ZNF638: variants seen among roughly 807,000 people sequenced by gnomAD.
The protein encoded by ZNF638 is CTCL tumor antigen se33-1.
A neutral mutation model predicts 195.6 loss-of-function variants in ZNF638; 46 were observed. That is an observed-to-expected ratio of 0.24 (90% CI 0.19 to 0.30). The LOEUF (loss-of-function observed/expected upper bound fraction) is 0.30. ZNF638 is among the 10% of genes least tolerant of loss of function. The pLI, the probability that ZNF638 is intolerant of heterozygous loss-of-function variation, is 1.00. For synonymous variants in ZNF638, 845 were observed against 772.0 expected (o/e 1.09, Z -1.57); for missense variants, 2,440 against 2,325.3 (o/e 1.05, Z -1.01).
intron 2 of ZNF638, 114 bp downstream of exon 2, chr2:71,350,385 T>C (rs957557948): frequency 3.8e-5 from 41 of 1,066,800 alleles, no homozygotes; most frequent in Non-Finnish European, 5.0e-5. Context: ...CAGAAGGTAA[T>C]TTTAATTGCA....
intron 24 of ZNF638, among the ~76,000 whole-genome samples, chr2:71,427,913 C>CA (rs1474167539): frequency 7.9e-5 from 12 of 152,044 alleles, no homozygotes; most frequent in Non-Finnish European, 1.8e-4. Flanking sequence ...ATCTTGAGGC[C>CA]AAGTATTGTG....
At chr2:71,371,861 T>C (rs1270702370) in intron 8 of ZNF638, among the ~76,000 whole-genome samples, 1 of 152,142 alleles carries the variant, frequency 6.6e-6, no homozygotes, top group Non-Finnish European at 1.5e-5. Flanking sequence ...TCTCATTTTG[T>C]GGGTTGTCTG....
At position 71,372,333 on chromosome 2, in the gene ZNF638, A is replaced by G. The variant is rs376398804; in HGVS notation, c.2265+2328A>G. ...ATTCAGATTCTTATTGCCGGGATGG[A>G]TGAGTCCTCTTTGGCTAGGTCTGGT... On this transcript the variant is annotated intron_variant, in intron 8 of 27. Coordinates refer to ENST00000264447, the MANE Select transcript of ZNF638 (RefSeq NM_014497.5). Among the ~76,000 whole-genome samples the G allele has an allele frequency of 2.0e-4, 31 of 152,232 alleles. 1 individual carries two copies. The highest frequency in any genetic ancestry group is 7.5e-4 in the African/African-American group (31 of 41,550).
intron 1 of ZNF638, among the ~76,000 whole-genome samples, chr2:71,347,629 T>C (rs2078872320): frequency 1.3e-5 from 2 of 152,332 alleles, no homozygotes; most frequent in Non-Finnish European, 2.9e-5. Flanking sequence ...CAGCATAGTC[T>C]ATATGCTCAT....
At position 71,370,426 on chromosome 2, in the gene ZNF638, T is replaced by C. The variant is rs2079288885; in HGVS notation, c.2265+421T>C. Among the ~76,000 whole-genome samples the C allele has an allele frequency of 3.3e-5, 5 of 152,320 alleles. No individual in the cohort carries two copies. In the South Asian group the frequency reaches 1.0e-3, roughly 32 times the overall value. ...TCAACTTTACATAAACAAAATCGTA[T>C]AGTGTACATTCTTTGGGCCTTTACT... is the stretch of plus-strand genomic sequence containing the variant. On this transcript the variant is annotated intron_variant, in intron 8 of 27. Coordinates refer to ENST00000264447, the MANE Select transcript of ZNF638 (RefSeq NM_014497.5).
chr2:71,399,065 C>CT (rs1040165814), intron 12 of ZNF638, among the ~76,000 whole-genome samples: 2 of 152,006 alleles, frequency 1.3e-5, no homozygotes, highest in Non-Finnish European at 2.9e-5. Flanking sequence ...GTTTCCTTCG[C>CT]TTTTTTTAGA....
At chr2:71,389,733 A>G (rs2104390547) in intron 10 of ZNF638, among the ~76,000 whole-genome samples, 1 of 152,364 alleles carries the variant, frequency 6.6e-6, no homozygotes, top group African/African-American at 2.4e-5. Flanking sequence ...AATGTTCGAC[A>G]AGGGCCTCAG....
chr2:71,422,713 G>C, intron 21 of ZNF638, 101 bp from the exon 22 acceptor site: 1 of 1,225,812 alleles, frequency 8.2e-7, no homozygotes, highest in Non-Finnish European at 1.1e-6. Flanking sequence ...TTAACAATTG[G>C]CATCAGCAGG....
chr2:71,390,558 A>C lies in ZNF638; in HGVS notation c.2378-5583A>C, dbSNP rs539792129. Among the ~76,000 whole-genome samples the C allele has an allele frequency of 7.9e-5, 12 of 152,302 alleles. 1 individual carries two copies. The South Asian group carries it at 2.5e-3, about 32-fold the overall frequency. On this transcript the variant is annotated intron_variant, in intron 10 of 27. Transcript: ENST00000264447. ...CTTCCCCCTAAATCTAAAATAGCTC[A>C]GTTACTATTCTTACCGTACTGGGTC... is the stretch of plus-strand genomic sequence containing the variant.
intron 10 of ZNF638, chr2:71,393,429 T>A (rs1259024870): frequency 8.4e-6 from 6 of 718,466 alleles, no homozygotes; most frequent in Non-Finnish European, 1.3e-5. Context: ...CATCAGACCA[T>A]ACCATGGCGT....
intron 22 of ZNF638, 30 bp from the exon 23 acceptor site, chr2:71,424,620 T>A: frequency 3.2e-6 from 5 of 1,567,332 alleles, no homozygotes; most frequent in Non-Finnish European, 4.3e-6. Context: ...GTAAATTCCG[T>A]TTTTCTGTAT....
intron 1 of ZNF638, among the ~76,000 whole-genome samples, chr2:71,343,092 A>G (rs1004104982): frequency 5.9e-5 from 9 of 152,232 alleles, no homozygotes; most frequent in Non-Finnish European, 1.3e-4. Flanking sequence ...AGAAGATGCC[A>G]TCCTACAAAA....
rs1342462755 is a variant in ZNF638, at chr2:71,433,448, C to G, written c.5871+165C>G. On this transcript the variant is annotated intron_variant, in intron 27 of 27. Coordinates refer to ENST00000264447, the MANE Select transcript of ZNF638 (RefSeq NM_014497.5). ...CTTCAGTGTACCTTGCCTGTAATTT[C>G]TAGTCCTTATTCCTTTTCCTTGAAC... is the stretch of plus-strand genomic sequence containing the variant. 6 of 576,268 alleles carry G rather than the reference C, an allele frequency of 1.0e-5. No individual in the cohort carries two copies. The South Asian group carries it at 1.1e-4, about 10-fold the overall frequency. The allele number at this position is 576,268 out of a possible 1,614,324, so 35.7% of individuals were successfully genotyped here. A position where few individuals can be genotyped will look rare whatever the true frequency, so the allele number is the denominator to read the frequency against.
At chr2:71,428,424 C>G in intron 24 of ZNF638, 123 bp from the exon 25 acceptor site, 2 of 627,642 alleles carry the variant, frequency 3.2e-6, no homozygotes, top group Non-Finnish European at 5.5e-6. Flanking sequence ...AGTAGGCTTC[C>G]CTCCCAAATT....
chr2:71,433,385 G>A, intron 27 of ZNF638, 102 bp downstream of exon 27: 1 of 781,286 alleles, frequency 1.3e-6, no homozygotes, highest in South Asian at 1.7e-5. Context: ...TTAGGAGAAT[G>A]TTTATGCCAG....
chr2:71,335,648 G>A (rs2078653279), intron 1 of ZNF638, among the ~76,000 whole-genome samples: 1 of 152,144 alleles, frequency 6.6e-6, no homozygotes. Context: ...CAATTATCTA[G>A]CTAATGGTCA....
chr2:71,383,746 T>C (rs1372041083), intron 10 of ZNF638, among the ~76,000 whole-genome samples: 2 of 125,178 alleles, frequency 1.6e-5, no homozygotes, highest in Non-Finnish European at 3.2e-5. Flanking sequence ...TAATTTTTCT[T>C]TTTTTTTTTC....
intron 10 of ZNF638, 107 bp from the exon 11 acceptor site, chr2:71,396,034 C>G: frequency 2.1e-6 from 2 of 931,952 alleles, no homozygotes; most frequent in East Asian, 5.0e-5. Context: ...GAGTATAGGG[C>G]TGTTTCTTGC....
chr2:71,374,643 G>A (rs954401634), intron 8 of ZNF638, among the ~76,000 whole-genome samples: 10 of 152,240 alleles, frequency 6.6e-5, no homozygotes, highest in African/African-American at 2.4e-4. Context: ...TAGTTCGTTG[G>A]CTGGTGGCTC....
Sources: allele counts gnomAD v4.1 joint callset (sites outside exome capture counted in the v4.1 genomes callset), GRCh38; gene constraint gnomAD v4.1.1; transcripts MANE v1.5; gene names NCBI Gene and HGNC (gene_info 2026-07-23, HGNC 2026-07-21).